The following PPT2 variants were observed in gnomAD, a reference collection of about 807,000 sequenced individuals.
The protein encoded by PPT2 is palmitoyl-protein thioesterase 2, also known as lysosomal thioesterase PPT2.
Under a neutral mutation model 37.3 loss-of-function variants are expected in PPT2, and 20 were observed. The observed-to-expected ratio is 0.54, with a 90% CI of 0.38 to 0.78. The LOEUF (loss-of-function observed/expected upper bound fraction) is 0.78. PPT2 is among the 30% of genes least tolerant of loss of function. The probability of loss-of-function intolerance (pLI) is 0.00; values close to 1 mark genes in which losing one functional copy is unlikely to be tolerated. For missense variants in PPT2, 270 were observed against 389.8 expected (o/e 0.69, Z 2.59); for synonymous variants, 135 against 159.1 (o/e 0.85, Z 1.14).
rs146938399 is a variant in PPT2 at position 32,154,398 on chromosome 6, C to T, written c.-15C>T. 879 of 1,441,310 alleles carry T rather than the reference C, an allele frequency of 6.1e-4. 6 individuals carry two copies. The Middle Eastern group carries it at 8.3e-3, about 14-fold the overall frequency. 89.3% of individuals were successfully genotyped at this position (1,441,310 alleles called of 1,614,324 possible). A position where few individuals can be genotyped will look rare whatever the true frequency, so the allele number is the denominator to read the frequency against. On this transcript the variant is annotated 5_prime_UTR_variant, in exon 1 of 9. Transcript: ENST00000324816. This position sits in a 1 kb window ranked among gnomAD's most constrained non-coding sequence, Gnocchi z 7.3. The stretch of plus-strand genomic sequence containing the variant: ...TGAGTTGGAGGCGGGACTTCGGGTG[C>T]GCGTTGGTGCGTCAACGTGGTGGGG...
rs1783660440 is a variant in PPT2 at position 32,155,014 on chromosome 6, T to C, written c.184-16T>C. The C allele has an allele frequency of 6.2e-7, 1 of 1,612,084 alleles. No individual in the cohort carries two copies. The highest frequency in any genetic ancestry group is 8.5e-7 in the Non-Finnish European group (1 of 1,179,954). ...CTTAGCCTATCCCCGGTGGCTGCAT[T>C]GCCCCCTTCCCACAGACACACCCCG... is the stretch of plus-strand genomic sequence containing the variant. On this transcript the variant is annotated splice_polypyrimidine_tract_variant and intron_variant, in intron 2 of 8. Coordinates refer to ENST00000324816, the MANE Select transcript of PPT2 (RefSeq NM_005155.7). The surrounding 1 kb of genome is among the most constrained non-coding windows in gnomAD (Gnocchi z 4.3).
chr6:32,153,933 A>G (rs1020799156), upstream of PPT2: 2 of 1,369,002 alleles, frequency 1.5e-6, no homozygotes, highest in Non-Finnish European at 1.9e-6. The surrounding 1 kb of genome is among the most constrained non-coding windows in gnomAD (Gnocchi z 4.4). Context: ...CATTCCCAGA[A>G]TATGTTTGCT....
intron 5 of PPT2, chr6:32,157,367 C>T (rs1441398559): frequency 1.2e-5 from 6 of 515,198 alleles, no homozygotes; most frequent in Non-Finnish European, 1.8e-5. Flanking sequence ...CATGCACCAC[C>T]ACGCCTGGCT....
chr6:32,155,515 G>T lies in PPT2; in HGVS notation c.338-173G>T, dbSNP rs1388618327. Among the ~76,000 whole-genome samples the T allele has an allele frequency of 6.6e-6, 1 of 151,282 alleles. No individual in the cohort carries two copies. The highest frequency in any genetic ancestry group is 1.5e-5 in the Non-Finnish European group (1 of 67,944). ...TCACTTATATGATGTGTGACCTTTTGGCACAGGGTGTGCCTGCCTTCTGTA... is the reference window on the plus strand; with the variant it reads ...TCACTTATATGATGTGTGACCTTTTTGCACAGGGTGTGCCTGCCTTCTGTA... On this transcript the variant is annotated intron_variant, in intron 3 of 8. Coordinates refer to ENST00000324816, the MANE Select transcript of PPT2 (RefSeq NM_005155.7). The surrounding 1 kb of genome is among the most constrained non-coding windows in gnomAD (Gnocchi z 4.3).
intron 7 of PPT2, among the ~76,000 whole-genome samples, chr6:32,161,590 CTTT>C (rs9281664): frequency 1.7e-5 from 2 of 115,398 alleles, no homozygotes; most frequent in African/African-American, 3.3e-5. Flanking sequence ...CACCTGGCCT[CTTT>C]TTTTTTTTTT....
Position 32,154,964 on chromosome 6 carries a change from G to A in PPT2, c.184-66G>A, listed in dbSNP as rs62402748. ...GGGTACAATAGACCTGTGGACGCGG[G>A]CCAGGGGGTGGCGTGTGGGAGCTTC... is the stretch of plus-strand genomic sequence containing the variant. On this transcript the variant is annotated intron_variant, in intron 2 of 8. Transcript: ENST00000324816. The surrounding 1 kb of genome is among the most constrained non-coding windows in gnomAD (Gnocchi z 7.3). The A allele has an allele frequency of 1.9e-6, 3 of 1,603,574 alleles. No homozygotes were observed. The highest frequency in any genetic ancestry group is 1.7e-6 in the Non-Finnish European group (2 of 1,173,688).
intron 7 of PPT2, among the ~76,000 whole-genome samples, chr6:32,161,588 C>CTTT (rs35832910): frequency 2.0e-4 from 25 of 128,010 alleles, no homozygotes; most frequent in South Asian, 4.9e-4. Context: ...CACACCTGGC[C>CTTT]TCTTTTTTTT....
rs1457615877 is a variant in PPT2, at chr6:32,162,642, TTC to T, written c.765+21_765+22del. 1.3e-6 allele frequency: 2 copies of T among 1,595,652 alleles called. No homozygotes were observed. Among genetic ancestry groups the T allele is most frequent in the Admixed American group, 3.3e-5 (2 of 59,992 alleles). On this transcript the variant is annotated intron_variant, in intron 8 of 8. Transcript: ENST00000324816. This position sits in a 1 kb window ranked among gnomAD's most constrained non-coding sequence, Gnocchi z 5.5. ...CAACTGGTGAGCCCCCTGGGATTAC[TTC>T]CCCTTCTAGCCGCTGTCCCACCTTA...
Position 32,157,409 on chromosome 6 carries a change from C to T in PPT2, c.542-228C>T, listed in dbSNP as rs143537076. On this transcript the variant is annotated intron_variant, in intron 5 of 8. Coordinates refer to ENST00000324816, the MANE Select transcript of PPT2 (RefSeq NM_005155.7). ...TGTATTTTTAGTAGAGACAGGGTTTCGCCATGTTAGCCAGGCTGGTCTCAA... is the reference window on the plus strand; with the variant it reads ...TGTATTTTTAGTAGAGACAGGGTTTTGCCATGTTAGCCAGGCTGGTCTCAA... 854 of 579,878 alleles carry T rather than the reference C, an allele frequency of 1.5e-3. 9 individuals carry two copies. The highest frequency in any genetic ancestry group is 0.014 in the African/African-American group (733 of 53,522). 35.9% of individuals were successfully genotyped at this position (579,878 alleles called of 1,614,324 possible). A position where few individuals can be genotyped will look rare whatever the true frequency, so the allele number is the denominator to read the frequency against.
At chr6:32,160,106 G>A (rs554836236) in intron 7 of PPT2, among the ~76,000 whole-genome samples, 2 of 150,434 alleles carry the variant, frequency 1.3e-5, no homozygotes, top group Admixed American at 1.3e-4. Context: ...GTGCAGTGGC[G>A]TGATCTCGGC....
At position 32,162,665 on chromosome 6, in the gene PPT2, CCT is replaced by C; in HGVS notation, c.765+44_765+45del. ...ACTTCCCCTTCTAGCCGCTGTCCCA[CCT>C]TATTCCAGAGCCCTCTCTGTGACTC... On this transcript the variant is annotated intron_variant, in intron 8 of 8. Coordinates refer to ENST00000324816, the MANE Select transcript of PPT2 (RefSeq NM_005155.7). This position sits in a 1 kb window ranked among gnomAD's most constrained non-coding sequence, Gnocchi z 5.5. The C allele has an allele frequency of 6.3e-7, 1 of 1,581,264 alleles. No homozygotes were observed. Among genetic ancestry groups the C allele is most frequent in the Non-Finnish European group, 8.7e-7 (1 of 1,150,106 alleles).
In PPT2 at chr6:32,156,098, G is replaced by T. The variant is rs1477768239; in HGVS notation, c.541+120G>T. On this transcript the variant is annotated intron_variant, in intron 5 of 8. Transcript: ENST00000324816. This position sits in a 1 kb window ranked among gnomAD's most constrained non-coding sequence, Gnocchi z 4.9. ...TACATTTATTGAGTTATTTGAACAG[G>T]CTCTGTTCAGAATTTTTTTTTTTTT... 5 of 835,690 alleles carry T rather than the reference G, an allele frequency of 6.0e-6. No individual in the cohort carries two copies. Among genetic ancestry groups the T allele is most frequent in the African/African-American group, 1.7e-5 (1 of 58,036 alleles). The allele number at this position is 835,690 out of a possible 1,614,324, so 51.8% of individuals were successfully genotyped here. A position where few individuals can be genotyped will look rare whatever the true frequency, so the allele number is the denominator to read the frequency against.
In PPT2 at chr6:32,162,482, A is replaced by G; in HGVS notation, c.711-86A>G. 4 of 1,375,688 alleles carry G rather than the reference A, an allele frequency of 2.9e-6. No homozygotes were observed. The highest frequency in any genetic ancestry group is 1.7e-5 in the Admixed American group (1 of 59,472). 85.2% of individuals were successfully genotyped at this position (1,375,688 alleles called of 1,614,324 possible). On this transcript the variant is annotated intron_variant, in intron 7 of 8. Coordinates refer to ENST00000324816, the MANE Select transcript of PPT2 (RefSeq NM_005155.7). This position sits in a 1 kb window ranked among gnomAD's most constrained non-coding sequence, Gnocchi z 5.5. ...TGATTTGCCCTCCTTGGCCTCCCAA[A>G]GTGCTGCAATTACAGGCGTGTGCCA...
At position 32,155,733 on chromosome 6, in the gene PPT2, A is replaced by G. The variant is rs1378803103; in HGVS notation, c.383A>G (p.Asn128Ser). 1.2e-6 allele frequency: 2 copies of G among 1,613,974 alleles called. No homozygotes were observed. Among genetic ancestry groups the G allele is most frequent in the Non-Finnish European group, 1.7e-6 (2 of 1,180,004 alleles). ...CTGCTTTCTGTCATGGATGATCACA[A>G]CGTGGATTCTTTCATCTCCCTCTCC... The part of the protein sequence containing the change: ...RALLSVMDDH[N>S]VDSFISLSSP... The change falls in exon 4 of 9, where the codon AAC becomes AGC. Residue 128 changes from asparagine to serine, a missense_variant. Coordinates refer to ENST00000324816, the MANE Select transcript of PPT2 (RefSeq NM_005155.7). The surrounding 1 kb of genome is among the most constrained non-coding windows in gnomAD (Gnocchi z 4.3).
At position 32,154,747 on chromosome 6, in the gene PPT2, C is replaced by A; in HGVS notation, c.153C>A (p.Ser51Arg). The A allele has an allele frequency of 6.2e-7, 1 of 1,612,960 alleles. No homozygotes were observed. Among genetic ancestry groups the A allele is most frequent in the Non-Finnish European group, 8.5e-7 (1 of 1,179,826 alleles). The change falls in exon 2 of 9, where the codon AGC becomes AGA. Residue 51 changes from serine to arginine, a missense_variant. Ser to Arg is a moderately radical substitution (Grantham distance 110). Coordinates refer to ENST00000324816, the MANE Select transcript of PPT2 (RefSeq NM_005155.7). This position sits in a 1 kb window ranked among gnomAD's most constrained non-coding sequence, Gnocchi z 7.3. ...ATGGGCTCTTCGACAGCTCGTACAGCTTCCGCCACCTGCTGGAATACATCA... is the reference window on the plus strand; with the variant it reads ...ATGGGCTCTTCGACAGCTCGTACAGATTCCGCCACCTGCTGGAATACATCA... ...VVHGLFDSSY[S>R]FRHLLEYINE...
At chr6:32,160,288 A>G (rs936498714) in intron 7 of PPT2, among the ~76,000 whole-genome samples, 20 of 144,340 alleles carry the variant, frequency 1.4e-4, no homozygotes, top group African/African-American at 2.3e-4. Flanking sequence ...CTCGTGATCC[A>G]CCCGCCTCGG....
rs940701264 is a variant in PPT2 at position 32,155,926 on chromosome 6, G to A, written c.489G>A (p.Arg163=). ...FPTSMRSNLY[R]ICYSPWGQEF... is the part of the protein sequence containing the mutation. ...CCTCCATGCGGTCTAACCTCTATCG[G>A]ATCTGCTATAGCCCCTGGGGCCAGG... is the stretch of plus-strand genomic sequence containing the variant. The change falls in exon 5 of 9, where the codon CGG becomes CGA. Residue 163 remains arginine, a synonymous_variant. Coordinates refer to ENST00000324816, the MANE Select transcript of PPT2 (RefSeq NM_005155.7). This position sits in a 1 kb window ranked among gnomAD's most constrained non-coding sequence, Gnocchi z 4.3. 3 of 1,613,974 alleles carry A rather than the reference G, an allele frequency of 1.9e-6. No individual in the cohort carries two copies. Among genetic ancestry groups the A allele is most frequent in the African/African-American group, 2.7e-5 (2 of 74,860 alleles).
intron 7 of PPT2, among the ~76,000 whole-genome samples, chr6:32,159,336 G>T (rs1783987951): frequency 6.7e-6 from 1 of 150,370 alleles, no homozygotes; most frequent in South Asian, 2.1e-4. Flanking sequence ...GGGAGGCTGA[G>T]GCAGGAGAAT....
rs1783768192 is a variant in PPT2 at position 32,155,916 on chromosome 6, A to T, written c.479A>T (p.Asn160Ile). Residue 160 changes from asparagine (N) to isoleucine (I), a missense_variant, in exon 5 of 9, where the codon AAC becomes ATC. Physicochemically the swap from Asn to Ile is moderately radical, Grantham distance 149. Transcript: ENST00000324816. This position sits in a 1 kb window ranked among gnomAD's most constrained non-coding sequence, Gnocchi z 4.3. ...CTGTTCCCCACCTCCATGCGGTCTA[A>T]CCTCTATCGGATCTGCTATAGCCCC... ...KWLFPTSMRS[N>I]LYRICYSPWG... 6.2e-7 allele frequency: 1 copy of T among 1,613,814 alleles called. No homozygotes were observed.
Sources: allele counts gnomAD v4.1 joint callset (sites outside exome capture counted in the v4.1 genomes callset), GRCh38; gene constraint gnomAD v4.1.1; non-coding constraint Gnocchi (gnomAD v3.1); transcripts MANE v1.5; gene names NCBI Gene and HGNC (gene_info 2026-07-23, HGNC 2026-07-21).